Variants in MACF1 observed in about 807,000 individuals in gnomAD.
The protein encoded by MACF1 is microtubule-actin cross-linking factor 1.
In MACF1, 193 loss-of-function variants were observed where a neutral mutation model predicts 854.8. The observed-to-expected ratio is 0.23, with a 90% confidence interval of 0.20 to 0.25. The LOEUF (loss-of-function observed/expected upper bound fraction) is 0.25. Ranked by LOEUF, MACF1 falls within the 10% of genes least tolerant of loss-of-function variation. The pLI is 1.00. For missense variants in MACF1, 7,722 were observed against 8,929.1 expected, an observed-to-expected ratio of 0.86 and a Z score of 5.45; for synonymous variants, 3,185 against 3,226.7, an observed-to-expected ratio of 0.99 and a Z score of 0.44.
At chr1:39,122,297 C>G (rs1325011260) in intron 2 of MACF1, among the ~76,000 whole-genome samples, 1 of 148,164 alleles carries the variant, frequency 6.7e-6, no homozygotes, top group East Asian at 2.0e-4. Flanking sequence ...TTCTGTCACT[C>G]AGGCTGGAGT....
At chr1:39,368,752 T>C (rs1449858504) in intron 50 of MACF1, among the ~76,000 whole-genome samples, 4 of 152,156 alleles carry the variant, frequency 2.6e-5, no homozygotes, top group East Asian at 1.9e-4. Context: ...TCGACCTGCC[T>C]CCGCCTCCCA....
At chr1:39,168,125 G>T (rs904778924) in intron 2 of MACF1, among the ~76,000 whole-genome samples, 2 of 152,154 alleles carry the variant, frequency 1.3e-5, no homozygotes, top group Admixed American at 1.3e-4. Context: ...GAAGAAGCCC[G>T]TTTAGCTCTG....
chr1:39,268,060 T>C (rs1409252345), intron 6 of MACF1, among the ~76,000 whole-genome samples: 1 of 152,222 alleles, frequency 6.6e-6, no homozygotes, highest in African/African-American at 2.4e-5. Flanking sequence ...GGCATCTTGG[T>C]GCAACACTTA....
rs572673005 is a variant in MACF1 at position 39,119,513 on chromosome 1, T to A, written c.220+35075T>A. On this transcript the variant is annotated intron_variant, in intron 2 of 93. Transcript: ENST00000361689. ...CTTTGAAGGTCTAGATTGTGTCTGA[T>A]GAGATGCATATGATGCACTTCATGA... Among the ~76,000 whole-genome samples, 3 of 152,302 alleles carry A rather than the reference T, an allele frequency of 2.0e-5. No individual in the cohort carries two copies. The South Asian group carries it at 6.2e-4, about 32-fold the overall frequency.
At chr1:39,193,791 G>A (rs181560764) in intron 2 of MACF1, among the ~76,000 whole-genome samples, 3,398 of 149,048 alleles carry the variant, frequency 0.023, 73 homozygotes, top group East Asian at 0.13. Context: ...AGAGAGAGAG[G>A]GAGAGAGAGA....
chr1:39,290,834 A>AT (rs1186073851), intron 15 of MACF1, among the ~76,000 whole-genome samples: 1 of 149,488 alleles, frequency 6.7e-6, no homozygotes, highest in Non-Finnish European at 1.5e-5. Context: ...CGCCCAGCTA[A>AT]TTTTTTGTAT....
chr1:39,429,047 G>A (rs1643814439), intron 63 of MACF1, among the ~76,000 whole-genome samples, 195 bp from the exon 64 acceptor site: 1 of 152,172 alleles, frequency 6.6e-6, no homozygotes. Flanking sequence ...AGGAAAGCTT[G>A]CCTATAGGTA....
At chr1:39,427,326 C>CGT (rs1643759720) in intron 61 of MACF1, 129 bp from the exon 62 acceptor site, 1 of 700,590 alleles carries the variant, frequency 1.4e-6, no homozygotes, top group Non-Finnish European at 2.4e-6. Context: ...TGCTACATAA[C>CGT]GTGTGTTCTG....
chr1:39,231,391 T>A (rs1174371630), intron 2 of MACF1, 148 bp downstream of exon 2: 1 of 727,438 alleles, frequency 1.4e-6, no homozygotes, highest in African/African-American at 1.8e-5. Flanking sequence ...TCTTCTTTTC[T>A]TTTTTAATAG....
intron 86 of MACF1, 68 bp downstream of exon 86, chr1:39,452,418 T>A (rs1644357705): frequency 6.8e-7 from 1 of 1,460,242 alleles, no homozygotes; most frequent in Non-Finnish European, 9.3e-7. Context: ...TTTCTTTTAC[T>A]AGAATCTGTT....
chr1:39,258,034 G>GCA lies in MACF1; in HGVS notation c.528+7_528+8dup. 6.2e-7 allele frequency: 1 copy of GCA among 1,612,942 alleles called. No individual in the cohort carries two copies. The highest frequency in any genetic ancestry group is 8.5e-7 in the Non-Finnish European group (1 of 1,178,938). The stretch of plus-strand genomic sequence containing the variant: ...CCATTATTTTGCATTTCCAGGTAGG[G>GCA]CATGTGAAGTTTGGAATTCCTGTTG... On this transcript the variant is annotated splice_region_variant and intron_variant, in intron 6 of 100. Transcript: ENST00000564288.
intron 2 of MACF1, among the ~76,000 whole-genome samples, chr1:39,172,822 C>G (rs1464176631): frequency 6.6e-6 from 1 of 152,190 alleles, no homozygotes; most frequent in Non-Finnish European, 1.5e-5. Flanking sequence ...TGTGTTCATG[C>G]AAGGGGTGAG....
chr1:39,310,287 A>G lies in MACF1; in HGVS notation c.2959A>G (p.Asn987Asp). ...AGGGGAGTGCCATCAGATTATGAAG[A>G]ACCTTCAGGCCCACTATGAAGACTT... ...APGECHQIMK[N>D]LQAHYEDFLQ... Residue 987 changes from asparagine (N) to aspartate (D), a missense_variant, in exon 25 of 101, where the codon AAC becomes GAC. Asn to Asp is a conservative substitution (Grantham distance 23). Coordinates refer to ENST00000564288, the MANE Select transcript of MACF1 (RefSeq NM_001394062.1). 6.2e-7 allele frequency: 1 copy of G among 1,614,120 alleles called. No homozygotes were observed. The highest frequency in any genetic ancestry group is 8.5e-7 in the Non-Finnish European group (1 of 1,179,994).
Position 39,368,245 on chromosome 1 carries a change from G to A in MACF1, c.12869G>A (p.Cys4290Tyr), listed in dbSNP as rs1260894747. Residue 4290 changes from cysteine (C) to tyrosine (Y), a missense_variant, in exon 50 of 101, where the codon TGC (cysteine) becomes TAC (tyrosine). Cys to Tyr is a radical substitution (Grantham distance 194). Transcript: ENST00000564288. ...LSSCGFALDL[C>Y]QHQDRVQNLR... ...TCTTGTGGCTTTGCGCTGGACTTGT[G>A]CCAGCATCAGGACAGGGTACAGAAT... is the stretch of plus-strand genomic sequence containing the variant. 1.2e-6 allele frequency: 2 copies of A among 1,613,956 alleles called. No homozygotes were observed. The highest frequency in any genetic ancestry group is 2.2e-5 in the South Asian group (2 of 91,082).
intron 2 of MACF1, among the ~76,000 whole-genome samples, chr1:39,121,424 C>T (rs964047495): frequency 7.2e-5 from 11 of 151,792 alleles, no homozygotes; most frequent in African/African-American, 1.2e-4. Context: ...TACTATATGC[C>T]GGGTATTTTG....
At chr1:39,354,513 T>C (rs569938786) in intron 44 of MACF1, among the ~76,000 whole-genome samples, 13 of 152,192 alleles carry the variant, frequency 8.5e-5, no homozygotes, top group Non-Finnish European at 1.5e-4. Flanking sequence ...CAAGCAATTC[T>C]CATGCATCAG....
rs1161326700 is a variant in MACF1, at chr1:39,336,204, G to T, written c.9616G>T (p.Asp3206Tyr). The T allele has an allele frequency of 1.2e-6, 2 of 1,614,054 alleles. No homozygotes were observed. The highest frequency in any genetic ancestry group is 1.7e-6 in the Non-Finnish European group (2 of 1,179,996). Reference protein sequence around the residue: ...SKEVRYLEFSDRKDLHHQGSK... With the variant: ...SKEVRYLEFSYRKDLHHQGSK... ...AGAAGTCAGGTATCTAGAATTCTCAGACAGAAAAGACCTTCATCATCAGGG... is the reference window on the plus strand; with the variant it reads ...AGAAGTCAGGTATCTAGAATTCTCATACAGAAAAGACCTTCATCATCAGGG... The change falls in exon 37 of 101, where the codon GAC (aspartate) becomes TAC (tyrosine). Residue 3206 changes from aspartate to tyrosine, a missense_variant. By Grantham distance (160) the Asp-to-Tyr change is radical (BLOSUM62 -3). Transcript: ENST00000564288.
At chr1:39,370,321 G>A (rs1400176293) in intron 51 of MACF1, 135 bp downstream of exon 51, 26 of 759,140 alleles carry the variant, frequency 3.4e-5, no homozygotes, top group Middle Eastern at 2.5e-4. Flanking sequence ...AAATTCCTAC[G>A]TTTTCTTCAT....
Position 39,361,568 on chromosome 1 carries a change from T to G in MACF1, c.12662T>G (p.Phe4221Cys), listed in dbSNP as rs1224341007. ...LKKLLPQAEM[F>C]EHLSGKLQQF... is the part of the protein sequence containing the mutation. ...AAGCTTCTACCCCAGGCAGAGATGT[T>G]TGAACACCTCTCTGGTAAGCTGCAG... is the stretch of plus-strand genomic sequence containing the variant. Residue 4221 changes from phenylalanine to cysteine, a missense_variant, in exon 49 of 101, where the codon TTT (phenylalanine) becomes TGT (cysteine). Around this residue, in one of 15 missense-constraint regions of MACF1, gnomAD observed 2,807 missense variants for 3,235.8 expected, o/e 0.87. Transcript: ENST00000564288. 1 of 1,614,188 alleles carries G rather than the reference T, an allele frequency of 6.2e-7. No individual in the cohort carries two copies. The highest frequency in any genetic ancestry group is 1.1e-5 in the South Asian group (1 of 91,082).
Sources: gnomAD v4.1 joint callset for allele counts (sites outside exome capture counted in the v4.1 genomes callset) on GRCh38, gnomAD v4.1.1 for gene constraint, gnomAD v4.1.1 regional missense constraint, MANE v1.5 for transcripts, NCBI Gene and HGNC (gene_info 2026-07-23, HGNC 2026-07-21) for gene names.